MTX3: variants seen among roughly 807,000 people sequenced by gnomAD.
The protein encoded by MTX3 is metaxin-3.
Under a neutral mutation model 42.5 loss-of-function variants are expected in MTX3, and 27 were observed. The ratio of observed to expected loss-of-function variants is 0.64; its 90% CI spans 0.47 to 0.88. The LOEUF (loss-of-function observed/expected upper bound fraction) is 0.88. Ranked by LOEUF, MTX3 falls within the 40% of genes least tolerant of loss-of-function variation. The pLI, the probability that MTX3 is intolerant of heterozygous loss-of-function variation, is 0.00. For synonymous variants in MTX3, 144 were observed against 132.9 expected (o/e 1.08, Z -0.57); for missense variants, 378 against 367.0 (o/e 1.03, Z -0.25).
At chr5:79,988,123 TG>T in intron 6 of MTX3, 115 bp downstream of exon 6, 1 of 687,942 alleles carries the variant, frequency 1.5e-6, no homozygotes, top group Admixed American at 2.7e-5. Flanking sequence ...GCCTAAATCT[TG>T]TTTTTTTTAA....
Position 79,983,653 on chromosome 5 carries a change from G to T in MTX3, c.*31C>A, listed in dbSNP as rs776322384. ...GGTGTAAGAGATTACTGCAACAATC[G>T]TTTGACTTTGGCCACAAACCATGAC... is the stretch of plus-strand genomic sequence containing the variant. On this transcript the variant is annotated 3_prime_UTR_variant, in exon 9 of 9. Transcript: ENST00000512528. The T allele has an allele frequency of 1.2e-5, 18 of 1,486,694 alleles. No homozygotes were observed. Among genetic ancestry groups the T allele is most frequent in the Non-Finnish European group, 1.6e-5 (17 of 1,063,850 alleles). The allele number at this position is 1,486,694 out of a possible 1,614,324, so 92.1% of individuals were successfully genotyped here.
Position 79,989,249 on chromosome 5 carries a change from T to G in MTX3, c.229-5A>C, listed in dbSNP as rs1183242586. 6.6e-7 allele frequency: 1 copy of G among 1,519,906 alleles called. No homozygotes were observed. 94.2% of individuals were successfully genotyped at this position (1,519,906 alleles called of 1,614,324 possible). A position where few individuals can be genotyped will look rare whatever the true frequency, so the allele number is the denominator to read the frequency against. On this transcript the variant is annotated splice_polypyrimidine_tract_variant and splice_region_variant and intron_variant, in intron 3 of 8. Coordinates refer to ENST00000512528, the MANE Select transcript of MTX3 (RefSeq NM_001363818.2). ...TTCATAATCAGCATTATATTTCTAT[T>G]AAAAAAAAATAAACCAAAGAAACTC...
In MTX3 at chr5:79,983,624, A is replaced by G; in HGVS notation, c.*60T>C. On this transcript the variant is annotated 3_prime_UTR_variant, in exon 9 of 9. Transcript: ENST00000512528. ...TGGTATCTTCTTTTTGCCTTCACACACTTGGTGTAAGAGATTACTGCAACA... is the reference window on the plus strand; with the variant it reads ...TGGTATCTTCTTTTTGCCTTCACACGCTTGGTGTAAGAGATTACTGCAACA... 1 of 1,244,094 alleles carries G rather than the reference A, an allele frequency of 8.0e-7. No individual in the cohort carries two copies. The allele number at this position is 1,244,094 out of a possible 1,614,324, so 77.1% of individuals were successfully genotyped here.
intron 3 of MTX3, among the ~76,000 whole-genome samples, chr5:79,989,839 T>C (rs1831588796): frequency 2.0e-5 from 3 of 152,196 alleles, no homozygotes; most frequent in Non-Finnish European, 4.4e-5. Flanking sequence ...CAGCACAAAA[T>C]GTGTACCAAC....
rs1318163131 is a variant in MTX3, at chr5:79,980,584, A to G, written c.*3100T>C. 1 of 151,072 alleles carries G rather than the reference A, an allele frequency of 6.6e-6. No homozygotes were observed. The highest frequency in any genetic ancestry group is 2.4e-5 in the African/African-American group (1 of 41,108). 9.4% of individuals were successfully genotyped at this position (151,072 alleles called of 1,614,324 possible). A position where few individuals can be genotyped will look rare whatever the true frequency, so the allele number is the denominator to read the frequency against. ...TTACTTAAAAAAAAAAAAAAAATCA[A>G]TCTGATGGATGATTGATGGTAGTTT... On this transcript the variant is annotated 3_prime_UTR_variant, in exon 9 of 9. Coordinates refer to ENST00000512528, the MANE Select transcript of MTX3 (RefSeq NM_001363818.2).
In MTX3 at chr5:79,987,060, T is replaced by A; in HGVS notation, c.629A>T (p.Tyr210Phe). The part of the protein sequence containing the change: ...AYVFGFLAPL[Y>F]KVRFPKVQLQ... ...CTGAACTTTAGGAAACCGTACTTTG[T>A]AAAGAGGTGCAAGAAAACCAAAAAC... Residue 210 changes from tyrosine (Y) to phenylalanine (F), a missense_variant, in exon 7 of 9, where the codon TAC (tyrosine) becomes TTC (phenylalanine). Tyr to Phe is a conservative substitution (Grantham distance 22, BLOSUM62 3). Coordinates refer to ENST00000512528, the MANE Select transcript of MTX3 (RefSeq NM_001363818.2). The A allele has an allele frequency of 6.2e-7, 1 of 1,613,892 alleles. No individual in the cohort carries two copies. Among genetic ancestry groups the A allele is most frequent in the Non-Finnish European group, 8.5e-7 (1 of 1,179,846 alleles).
At position 79,981,351 on chromosome 5, in the gene MTX3, T is replaced by C. The variant is rs1831368950; in HGVS notation, c.*2333A>G. On this transcript the variant is annotated 3_prime_UTR_variant, in exon 9 of 9. Coordinates refer to ENST00000512528, the MANE Select transcript of MTX3 (RefSeq NM_001363818.2). ...ACATGTTGCATCTTAGAAAAGGTGA[T>C]CTGGAAGCATTATGGACTATAGTGA... The C allele has an allele frequency of 6.6e-6, 1 of 152,138 alleles. No individual in the cohort carries two copies. The highest frequency in any genetic ancestry group is 1.9e-4 in the East Asian group (1 of 5,196). The allele number at this position is 152,138 out of a possible 1,614,324, so 9.4% of individuals were successfully genotyped here. A position where few individuals can be genotyped will look rare whatever the true frequency, so the allele number is the denominator to read the frequency against.
At position 79,981,592 on chromosome 5, in the gene MTX3, C is replaced by T. The variant is rs144237580; in HGVS notation, c.*2092G>A. 1.1e-4 allele frequency: 16 copies of T among 152,264 alleles called. No homozygotes were observed. The highest frequency in any genetic ancestry group is 3.8e-4 in the African/African-American group (16 of 41,560). 9.4% of individuals were successfully genotyped at this position (152,264 alleles called of 1,614,324 possible). ...CTCCACGTTCCTGTAAAACTTTAAA[C>T]ACATTTTTCTTCCTAATAGACATTA... On this transcript the variant is annotated 3_prime_UTR_variant, in exon 9 of 9. Coordinates refer to ENST00000512528, the MANE Select transcript of MTX3 (RefSeq NM_001363818.2).
rs10060444 is a variant in MTX3, at chr5:79,978,772, T to A, written c.*4912A>T. 93,299 of 152,294 alleles carry A rather than the reference T, an allele frequency of 0.61. 28,712 individuals carry two copies. The highest frequency in any genetic ancestry group is 0.66 in the South Asian group (3,159 of 4,816). 9.4% of individuals were successfully genotyped at this position (152,294 alleles called of 1,614,324 possible). A position where few individuals can be genotyped will look rare whatever the true frequency, so the allele number is the denominator to read the frequency against. On this transcript the variant is annotated 3_prime_UTR_variant, in exon 9 of 9. Coordinates refer to ENST00000512528, the MANE Select transcript of MTX3 (RefSeq NM_001363818.2). ...TACTTGGCCACAGAACCCTCTATTC[T>A]CCTAACAATATATTCTGACAAAACA... is the stretch of plus-strand genomic sequence containing the variant.
chr5:79,984,797 G>GA (rs1190528589), intron 8 of MTX3, among the ~76,000 whole-genome samples: 1 of 152,058 alleles, frequency 6.6e-6, no homozygotes, highest in Non-Finnish European at 1.5e-5. Context: ...CTACACTGGT[G>GA]AAAAAACTAT....
At chr5:79,989,109 G>C (rs765724904) in intron 4 of MTX3, 43 bp downstream of exon 4, 104 of 1,343,078 alleles carry the variant, frequency 7.7e-5, no homozygotes, top group Admixed American at 2.3e-5. Flanking sequence ...ATGTACATTT[G>C]CAACTAGGCT....
Position 79,980,031 on chromosome 5 carries a change from T to A in MTX3, c.*3653A>T, listed in dbSNP as rs1185623281. On this transcript the variant is annotated 3_prime_UTR_variant, in exon 9 of 9. Coordinates refer to ENST00000512528, the MANE Select transcript of MTX3 (RefSeq NM_001363818.2). ...AAGTTATAAAAATAGTTCAGAGAGA[T>A]CCCAGGTACCCACTGCTTAGCTTCC... The A allele has an allele frequency of 6.6e-6, 1 of 152,208 alleles. No individual in the cohort carries two copies. Among genetic ancestry groups the A allele is most frequent in the African/African-American group, 2.4e-5 (1 of 41,448 alleles). The allele number at this position is 152,208 out of a possible 1,614,324, so 9.4% of individuals were successfully genotyped here.
intron 6 of MTX3, among the ~76,000 whole-genome samples, chr5:79,987,323 C>T (rs1371239474): frequency 1.3e-5 from 2 of 151,520 alleles, no homozygotes; most frequent in African/African-American, 2.4e-5. Flanking sequence ...ACCTGTAAAC[C>T]CAGCTACTTG....
At chr5:79,990,258 C>T in intron 2 of MTX3, 22 bp from the exon 3 acceptor site, 1 of 1,516,686 alleles carries the variant, frequency 6.6e-7, no homozygotes, top group Non-Finnish European at 9.1e-7. Context: ...AAACAGTTTA[C>T]ATACAAGGAC....
intron 1 of MTX3, 40 bp from the exon 2 acceptor site, chr5:79,990,703 C>T (rs1831626925): frequency 2.7e-6 from 4 of 1,461,454 alleles, no homozygotes; most frequent in Non-Finnish European, 3.8e-6. Context: ...AGACCAAGTG[C>T]GTAATGCAAA....
At chr5:79,991,036 T>C (rs959268236) in intron 1 of MTX3, 122 bp downstream of exon 1, 8 of 1,031,080 alleles carry the variant, frequency 7.8e-6, no homozygotes, top group South Asian at 6.8e-5. Context: ...CCCAGGGCAA[T>C]GCAGCGTGCA....
At chr5:79,989,633 T>G (rs1369845628) in intron 3 of MTX3, among the ~76,000 whole-genome samples, 2 of 152,186 alleles carry the variant, frequency 1.3e-5, no homozygotes, top group Non-Finnish European at 2.9e-5. Flanking sequence ...AAAATGTTAT[T>G]GACACAATTT....
Position 79,991,245 on chromosome 5 carries a change from C to G in MTX3, c.-7G>C. The stretch of plus-strand genomic sequence containing the variant: ...GTTCCAAGGGGGCCGCCATCTTGCG[C>G]GGGCCGACCTTTACTATCCCGGAAG... On this transcript the variant is annotated 5_prime_UTR_variant, in exon 1 of 9. Coordinates refer to ENST00000512528, the MANE Select transcript of MTX3 (RefSeq NM_001363818.2). The G allele has an allele frequency of 6.9e-7, 1 of 1,448,306 alleles. No individual in the cohort carries two copies. The highest frequency in any genetic ancestry group is 9.1e-7 in the Non-Finnish European group (1 of 1,097,154). 89.7% of individuals were successfully genotyped at this position (1,448,306 alleles called of 1,614,324 possible).
rs770653149 is a variant in MTX3, at chr5:79,990,145, A to G, written c.228+15T>C. On this transcript the variant is annotated intron_variant, in intron 3 of 8. Coordinates refer to ENST00000512528, the MANE Select transcript of MTX3 (RefSeq NM_001363818.2). ...AACAATCTACCAATCTACTTCTTCA[A>G]AGTGAACCACCCACCTGTTTTCTTA... 19 of 1,575,180 alleles carry G rather than the reference A, an allele frequency of 1.2e-5. No homozygotes were observed. In the South Asian group the frequency reaches 1.4e-4, roughly 11 times the overall value.
Sources: allele counts gnomAD v4.1 joint callset (sites outside exome capture counted in the v4.1 genomes callset), GRCh38; gene constraint gnomAD v4.1.1; transcripts MANE v1.5; gene names NCBI Gene and HGNC (gene_info 2026-07-23, HGNC 2026-07-21).